PIP4K2A: variants seen among roughly 807,000 people sequenced by gnomAD.
PIP4K2A encodes phosphatidylinositol 5-phosphate 4-kinase type-2 alpha.
PIP4K2A carries 14 observed loss-of-function variants against 42.9 expected under a neutral mutation model. The observed-to-expected ratio is 0.33, with a 90% confidence interval of 0.22 to 0.51. The LOEUF (loss-of-function observed/expected upper bound fraction) is 0.51. Among genes scored for constraint, PIP4K2A ranks in the 20% least tolerant of loss-of-function variants. The pLI is 0.97. For missense variants in PIP4K2A, 434 were observed against 519.8 expected (o/e 0.83, Z 1.61); for synonymous variants, 192 against 192.2 (o/e 1.00, Z 0.01).
At chr10:22,707,014 G>C (rs767554903) in intron 1 of PIP4K2A, among the ~76,000 whole-genome samples, 52 of 152,098 alleles carry the variant, frequency 3.4e-4, no homozygotes, top group Non-Finnish European at 6.8e-4. Flanking sequence ...TAGGCATGGT[G>C]GCTCAAGGCT....
In PIP4K2A at chr10:22,627,589, AAT is replaced by A. The variant is rs201814497; in HGVS notation, c.145-17874_145-17873del. Among the ~76,000 whole-genome samples, 114 of 74,730 alleles carry A rather than the reference AAT, an allele frequency of 1.5e-3. 14 individuals carry two copies. The highest frequency in any genetic ancestry group is 2.2e-3 in the African/African-American group (23 of 10,640). The allele number at this position is 74,730 out of a possible 152,430, so 49.0% of individuals were successfully genotyped here. A position where few individuals can be genotyped will look rare whatever the true frequency, so the allele number is the denominator to read the frequency against. ...TTTGTTTAACCAAAAGCTAATATGT[AAT>A]AAAAAAAAAAAAAAAAAAAAAAAAA... On this transcript the variant is annotated intron_variant, in intron 1 of 9. Transcript: ENST00000376573.
At chr10:22,665,886 T>C (rs1839340925) in intron 1 of PIP4K2A, among the ~76,000 whole-genome samples, 1 of 152,026 alleles carries the variant, frequency 6.6e-6, no homozygotes. Flanking sequence ...ACAGTTTTAC[T>C]AATCAGTACT....
At chr10:22,706,719 C>T (rs193146608) in intron 1 of PIP4K2A, among the ~76,000 whole-genome samples, 336 of 152,270 alleles carry the variant, frequency 2.2e-3, no homozygotes, top group Admixed American at 4.5e-3. Flanking sequence ...GCTGACATAA[C>T]TTGCAACTAA....
chr10:22,656,308 G>A (rs1258195335), intron 1 of PIP4K2A, among the ~76,000 whole-genome samples: 1 of 152,216 alleles, frequency 6.6e-6, no homozygotes, highest in Non-Finnish European at 1.5e-5. Flanking sequence ...CCAGAAGTGG[G>A]AGAGGGGAAC....
chr10:22,644,102 G>C (rs1423798727), intron 1 of PIP4K2A, among the ~76,000 whole-genome samples: 5 of 152,050 alleles, frequency 3.3e-5, no homozygotes, highest in African/African-American at 4.8e-5. Flanking sequence ...ATGAAGTCCT[G>C]TTCTCCCCTG....
At chr10:22,558,180 T>A (rs1482908973) in intron 6 of PIP4K2A, among the ~76,000 whole-genome samples, 1 of 152,206 alleles carries the variant, frequency 6.6e-6, no homozygotes, top group Non-Finnish European at 1.5e-5. Flanking sequence ...GTAGTAATTA[T>A]TGTTTTATGT....
intron 1 of PIP4K2A, among the ~76,000 whole-genome samples, chr10:22,697,761 CACACACACACAA>C (rs1322339635): frequency 5.3e-5 from 8 of 151,514 alleles, no homozygotes; most frequent in Non-Finnish European, 1.2e-4. Flanking sequence ...CACACATACA[CACACACACACAA>C]ACACACACAC....
At chr10:22,612,120 G>C (rs1455300903) in intron 1 of PIP4K2A, among the ~76,000 whole-genome samples, 2 of 152,196 alleles carry the variant, frequency 1.3e-5, no homozygotes, top group Non-Finnish European at 1.5e-5. Flanking sequence ...AGTAAACTGA[G>C]AATTTTCCTT....
chr10:22,642,573 T>C (rs1472725233), intron 1 of PIP4K2A, among the ~76,000 whole-genome samples: 1 of 121,428 alleles, frequency 8.2e-6, no homozygotes, highest in South Asian at 2.6e-4. Flanking sequence ...TCTGTATGTA[T>C]ATTTATATGT....
rs75230930 is a variant in PIP4K2A, at chr10:22,567,424, C to T, written c.678+427G>A. On this transcript the variant is annotated intron_variant, in intron 6 of 9. Coordinates refer to ENST00000376573, the MANE Select transcript of PIP4K2A (RefSeq NM_005028.5). Reference sequence around the variant, plus strand: ...GAGGCTCATCCAAGCCAACATACTACAGGTGAGAAAGCAGACTCAGCGATG... The same window carrying T: ...GAGGCTCATCCAAGCCAACATACTATAGGTGAGAAAGCAGACTCAGCGATG... 22 of 365,072 alleles carry T rather than the reference C, an allele frequency of 6.0e-5. No homozygotes were observed. In the East Asian group the frequency reaches 1.4e-3, roughly 23 times the overall value. 22.6% of individuals were successfully genotyped at this position (365,072 alleles called of 1,614,324 possible). A position where few individuals can be genotyped will look rare whatever the true frequency, so the allele number is the denominator to read the frequency against.
intron 3 of PIP4K2A, among the ~76,000 whole-genome samples, chr10:22,596,647 G>A (rs1837641961): frequency 6.6e-6 from 1 of 152,396 alleles, no homozygotes; most frequent in East Asian, 1.9e-4. Context: ...GATGGAAACA[G>A]AGCTTGGGAG....
chr10:22,607,534 G>A (rs1278278893), intron 3 of PIP4K2A, among the ~76,000 whole-genome samples: 2 of 152,080 alleles, frequency 1.3e-5, no homozygotes. Flanking sequence ...AAAGATTCCT[G>A]AGAGTCCTAA....
intron 1 of PIP4K2A, among the ~76,000 whole-genome samples, chr10:22,671,030 T>G (rs1839438324): frequency 6.6e-6 from 1 of 152,176 alleles, no homozygotes; most frequent in Non-Finnish European, 1.5e-5. Context: ...TGTAAATGCC[T>G]TTCCCTTCAC....
chr10:22,623,006 C>T (rs1331599353), intron 1 of PIP4K2A, among the ~76,000 whole-genome samples: 1 of 152,134 alleles, frequency 6.6e-6, no homozygotes, highest in East Asian at 1.9e-4. Flanking sequence ...AAATGCCTAA[C>T]ATGACAAATT....
intron 1 of PIP4K2A, among the ~76,000 whole-genome samples, chr10:22,711,062 T>C (rs1833903915): frequency 6.6e-6 from 1 of 152,254 alleles, no homozygotes; most frequent in South Asian, 2.1e-4. Context: ...TTAAGTCTTT[T>C]CCTTTATGTA....
At chr10:22,631,516 A>G (rs1838547563) in intron 1 of PIP4K2A, among the ~76,000 whole-genome samples, 1 of 152,142 alleles carries the variant, frequency 6.6e-6, no homozygotes, top group Non-Finnish European at 1.5e-5. Context: ...TGAACTTTCC[A>G]GCTTCCAGAA....
intron 1 of PIP4K2A, among the ~76,000 whole-genome samples, chr10:22,676,520 G>C (rs577464558): frequency 3.5e-4 from 53 of 152,202 alleles, no homozygotes; most frequent in Non-Finnish European, 5.6e-4. Context: ...AATGTGGCAC[G>C]ATACAGTTAT....
chr10:22,539,886 G>GGAGAGAGAGAGAGAGAGAGAGAGAGAGA, intron 9 of PIP4K2A, 85 bp downstream of exon 9: 3 of 699,222 alleles, frequency 4.3e-6, no homozygotes, highest in South Asian at 1.6e-5. Flanking sequence ...AGAGGAGCCA[G>GGAGAGAGAGAGAGAGAGAGAGAGAGAGA]GAGAGAGAGA....
At chr10:22,543,022 G>C (rs1296537038) in intron 7 of PIP4K2A, among the ~76,000 whole-genome samples, 2 of 152,154 alleles carry the variant, frequency 1.3e-5, no homozygotes, top group African/African-American at 4.8e-5. Context: ...GCAGCCTCTG[G>C]GCTATGCTGA....
Sources: gnomAD v4.1 joint callset for allele counts (sites outside exome capture counted in the v4.1 genomes callset) on GRCh38, gnomAD v4.1.1 for gene constraint, MANE v1.5 for transcripts, NCBI Gene and HGNC (gene_info 2026-07-23, HGNC 2026-07-21) for gene names.